The following PRICKLE2 variants were observed in gnomAD, a reference collection of about 807,000 sequenced individuals.
PRICKLE2 encodes prickle-like protein 2.
Under a neutral mutation model 81.4 loss-of-function variants are expected in PRICKLE2, and 21 were observed. That is an observed-to-expected ratio of 0.26 (90% CI 0.18 to 0.37). PRICKLE2 has a LOEUF of 0.37. PRICKLE2 is among the 10% of genes least tolerant of loss of function. The pLI is 1.00. For missense variants in PRICKLE2, 940 were observed against 1,109.0 expected, an observed-to-expected ratio of 0.85 and a Z score of 2.16; for synonymous variants, 456 against 421.5, an observed-to-expected ratio of 1.08 and a Z score of -1.00.
intron 7 of PRICKLE2, among the ~76,000 whole-genome samples, chr3:64,109,811 G>A (rs1451856828): frequency 1.3e-5 from 2 of 152,320 alleles, no homozygotes; most frequent in African/African-American, 4.8e-5. Flanking sequence ...ACTTGCCTTT[G>A]AACTGGAGGT....
intron 7 of PRICKLE2, among the ~76,000 whole-genome samples, chr3:64,130,474 C>A (rs1462434496): frequency 1.3e-5 from 2 of 152,156 alleles, no homozygotes; most frequent in Admixed American, 6.5e-5. Context: ...GCTAGACTCT[C>A]TGCAATTTCT....
chr3:64,236,697 A>C (rs2107166434), intron 2 of PRICKLE2, among the ~76,000 whole-genome samples: 1 of 152,322 alleles, frequency 6.6e-6, no homozygotes, highest in South Asian at 2.1e-4. Context: ...CTGGTATTAG[A>C]ATTAAGAGTC....
chr3:64,207,903 A>G (rs2078717835), intron 1 of PRICKLE2, among the ~76,000 whole-genome samples: 1 of 152,180 alleles, frequency 6.6e-6, no homozygotes, highest in East Asian at 1.9e-4. Context: ...ACTTCAAACC[A>G]TATAATAGAT....
upstream of PRICKLE2, among the ~76,000 whole-genome samples, chr3:64,225,884 CCTT>C (rs545702865): frequency 2.1e-3 from 322 of 150,516 alleles, 3 homozygotes; most frequent in African/African-American, 7.7e-3. Flanking sequence ...AAATGCCTCT[CCTT>C]TTTTTTTTTC....
At chr3:64,240,648 C>A (rs1691118800) in intron 2 of PRICKLE2, among the ~76,000 whole-genome samples, 1 of 152,184 alleles carries the variant, frequency 6.6e-6, no homozygotes, top group South Asian at 2.1e-4. Flanking sequence ...ATCTCCCCCA[C>A]AGCATGGAAT....
chr3:64,215,548 C>A (rs576762676), intron 1 of PRICKLE2, among the ~76,000 whole-genome samples: 2 of 152,312 alleles, frequency 1.3e-5, no homozygotes, highest in Non-Finnish European at 1.5e-5. Context: ...AATCTAACTG[C>A]AACCAGTGAG....
At chr3:64,113,113 C>T (rs756655321) in intron 7 of PRICKLE2, among the ~76,000 whole-genome samples, 13 of 152,164 alleles carry the variant, frequency 8.5e-5, no homozygotes, top group Non-Finnish European at 1.5e-4. Context: ...AGGAGGGGGA[C>T]CCCTTGACCA....
intron 7 of PRICKLE2, chr3:64,103,200 T>C (rs2076696920): frequency 6.6e-6 from 1 of 152,224 alleles, no homozygotes; most frequent in South Asian, 2.1e-4. Context: ...CATTTTTGGT[T>C]GTCACTATTA....
At chr3:64,194,445 G>A (rs2078410479) in intron 2 of PRICKLE2, 1 of 152,144 alleles carries the variant, frequency 6.6e-6, no homozygotes, top group African/African-American at 2.4e-5. Context: ...CAGGAACATT[G>A]GGTAACGTCT....
In PRICKLE2 at chr3:64,099,457, C is replaced by A. The variant is rs772696632; in HGVS notation, c.2129G>T (p.Arg710Leu). The stretch of plus-strand genomic sequence containing the variant: ...TCTCAGAGGGGGCCTATCTTTTAAC[C>A]GGGAGATGGCCTCGCGTTCGCTGGC... ...HLASEREAIS[R>L]LKDRPPLRAR... Residue 710 changes from arginine (R) to leucine (L), a missense_variant, in exon 8 of 8, where the codon CGG becomes CTG. This residue lies in a region of PRICKLE2 where 670 missense variants were observed against 717.2 expected (regional missense o/e 0.93). Transcript: ENST00000638394. The surrounding 1 kb of genome is among the most constrained non-coding windows in gnomAD (Gnocchi z 4.3). The A allele has an allele frequency of 4.4e-6, 7 of 1,583,798 alleles. No individual in the cohort carries two copies. In the South Asian group the frequency reaches 8.0e-5, roughly 18 times the overall value.
chr3:64,113,233 C>T (rs189378648), intron 7 of PRICKLE2, among the ~76,000 whole-genome samples: 20 of 152,286 alleles, frequency 1.3e-4, no homozygotes, highest in East Asian at 5.8e-4. Context: ...CAGTGCAGCA[C>T]GGGCAGGGGT....
intron 2 of PRICKLE2, among the ~76,000 whole-genome samples, chr3:64,265,058 T>G (rs534779686): frequency 6.6e-6 from 1 of 152,156 alleles, no homozygotes; most frequent in South Asian, 2.1e-4. Context: ...CTTCTGGAAG[T>G]TGTCCAGATT....
intron 2 of PRICKLE2, among the ~76,000 whole-genome samples, chr3:64,258,845 A>AGAAAGAAAGAAAG (rs1553663503): frequency 4.4e-4 from 15 of 33,992 alleles, no homozygotes; most frequent in South Asian, 1.3e-3. Flanking sequence ...AAAAAAAAAA[A>AGAAAGAAAGAAAG]AAAGAAAGAA....
chr3:64,127,726 C>G (rs981369254), intron 7 of PRICKLE2, among the ~76,000 whole-genome samples: 1 of 151,784 alleles, frequency 6.6e-6, no homozygotes, highest in South Asian at 2.1e-4. Context: ...AGCCGTCAGC[C>G]CACGGTGCCC....
chr3:64,168,984 C>A (rs1161727240), intron 2 of PRICKLE2, among the ~76,000 whole-genome samples: 2 of 151,888 alleles, frequency 1.3e-5, no homozygotes, highest in African/African-American at 4.8e-5. Context: ...CCAGCCATAT[C>A]CATTTTTTTT....
At chr3:64,253,110 G>C (rs1338207603) in intron 2 of PRICKLE2, among the ~76,000 whole-genome samples, 1 of 152,130 alleles carries the variant, frequency 6.6e-6, no homozygotes, top group South Asian at 2.1e-4. Context: ...AAAAATAAAA[G>C]CTCTGGAAAT....
At chr3:64,228,829 A>G (rs191579924), upstream of PRICKLE2, among the ~76,000 whole-genome samples, 96 of 152,330 alleles carry the variant, frequency 6.3e-4, no homozygotes, top group Middle Eastern at 0.024. Flanking sequence ...AGGTAGAATG[A>G]TAGGATATTT....
chr3:64,220,468 C>T (rs188657057), intron 1 of PRICKLE2, among the ~76,000 whole-genome samples: 24 of 152,312 alleles, frequency 1.6e-4, no homozygotes, highest in Admixed American at 8.5e-4. Flanking sequence ...GGAAGTGGCT[C>T]TTGCTCCATG....
At chr3:64,225,910 C>G (rs1353513800), upstream of PRICKLE2, among the ~76,000 whole-genome samples, 1 of 150,518 alleles carries the variant, frequency 6.6e-6, no homozygotes, top group Non-Finnish European at 1.5e-5. Context: ...TCTCTTCTCT[C>G]TTCAACTTTC....
Sources: allele counts gnomAD v4.1 joint callset (sites outside exome capture counted in the v4.1 genomes callset), GRCh38; gene constraint gnomAD v4.1.1; regional missense constraint gnomAD v4.1.1; non-coding constraint Gnocchi (gnomAD v3.1); transcripts MANE v1.5; gene names NCBI Gene and HGNC (gene_info 2026-07-23, HGNC 2026-07-21).